EMILIN2: variants seen among roughly 807,000 people sequenced by gnomAD.
EMILIN2 encodes elastin microfibril interfacer 2, also known as EMILIN-2.
Under a neutral mutation model 87.1 loss-of-function variants are expected in EMILIN2, and 71 were observed. The observed-to-expected ratio is 0.82, with a 90% CI of 0.67 to 0.99. The LOEUF (loss-of-function observed/expected upper bound fraction) is 0.99. Among genes scored for constraint, EMILIN2 ranks in the 50% least tolerant of loss-of-function variants. The pLI is 0.00. For missense variants in EMILIN2, 1,407 were observed against 1,371.8 expected, an observed-to-expected ratio of 1.03 and a Z score of -0.40; for synonymous variants, 581 against 563.4, an observed-to-expected ratio of 1.03 and a Z score of -0.44.
chr18:2,874,338 C>T (rs1010281184), intron 2 of EMILIN2, among the ~76,000 whole-genome samples: 4 of 152,144 alleles, frequency 2.6e-5, no homozygotes, highest in African/African-American at 4.8e-5. Flanking sequence ...TCCAGGTGTG[C>T]ACCACTGCAC....
chr18:2,906,878 GA>G lies in EMILIN2; in HGVS notation c.2456del (p.Asp819AlafsTer77). On this transcript the variant is annotated frameshift_variant, in exon 5 of 8. Transcript: ENST00000254528. LOFTEE classifies it high-confidence loss of function. Reference sequence around the variant, plus strand: ...GCCCAGCGGCCCCGCAACCGCAGAGGACCCTGGGCGACGGCCCGTCCTGCCC... The same window carrying G: ...GCCCAGCGGCCCCGCAACCGCAGAGGCCCTGGGCGACGGCCCGTCCTGCCC... ...PRPSGPATAE[D>X]PGRRPVLPQR... The G allele has an allele frequency of 1.4e-6, 2 of 1,389,198 alleles. No individual in the cohort carries two copies. The highest frequency in any genetic ancestry group is 1.9e-6 in the Non-Finnish European group (2 of 1,070,042). 86.1% of individuals were successfully genotyped at this position (1,389,198 alleles called of 1,614,324 possible).
Position 2,848,820 on chromosome 18 carries a change from G to A in EMILIN2, c.257+889G>A, listed in dbSNP as rs2076589548. Among the ~76,000 whole-genome samples the A allele has an allele frequency of 6.6e-6, 1 of 152,188 alleles. No homozygotes were observed. On this transcript the variant is annotated intron_variant, in intron 2 of 7. Transcript: ENST00000254528. This position sits in a 1 kb window ranked among gnomAD's most constrained non-coding sequence, Gnocchi z 4.1. ...GTCTTAGAGCACAGTTGTCATTACA[G>A]CAGAGAATAGTCAGTAGGCGGATCT... is the stretch of plus-strand genomic sequence containing the variant.
At chr18:2,846,831 C>G, upstream of EMILIN2, 5 of 985,402 alleles carry the variant, frequency 5.1e-6, no homozygotes, top group South Asian at 1.9e-4. The surrounding 1 kb of genome is among the most constrained non-coding windows in gnomAD (Gnocchi z 5.3). Context: ...TATCCCAAAC[C>G]CTTTCGCCCC....
upstream of EMILIN2, chr18:2,846,910 C>T (rs2076576838): frequency 1.0e-6 from 1 of 989,328 alleles, no homozygotes; most frequent in African/African-American, 1.7e-5. This position sits in a 1 kb window ranked among gnomAD's most constrained non-coding sequence, Gnocchi z 5.3. Flanking sequence ...GGGAGAGTCA[C>T]GTTTCGGAGA....
rs749948864 is a variant in EMILIN2, at chr18:2,891,626, G to A, written c.1499G>A (p.Arg500His). The A allele has an allele frequency of 1.2e-5, 19 of 1,613,928 alleles. No homozygotes were observed. Among genetic ancestry groups the A allele is most frequent in the Middle Eastern group, 1.6e-4 (1 of 6,084 alleles). Residue 500 changes from arginine (R) to histidine (H), a missense_variant, in exon 4 of 8, where the codon CGT (arginine) becomes CAT (histidine). By Grantham distance (29) the Arg-to-His change is conservative. Transcript: ENST00000254528. The surrounding 1 kb of genome is among the most constrained non-coding windows in gnomAD (Gnocchi z 4.6). ...VDQKIQSLED[R>H]LGSVLLQMTN... is the part of the protein sequence containing the mutation. ...CAGAAAATACAGTCTCTGGAAGACC[G>A]TCTGGGGAGCGTTCTCCTACAGATG... is the stretch of plus-strand genomic sequence containing the variant.
Position 2,888,971 on chromosome 18 carries a change from C to T in EMILIN2, c.434-1590C>T, listed in dbSNP as rs559699167. ...TTCTGAATTAATTTCCAATGTTTTC[C>T]AGTGTAATATATTAATGCATTTTAT... On this transcript the variant is annotated intron_variant, in intron 3 of 7. Coordinates refer to ENST00000254528, the MANE Select transcript of EMILIN2 (RefSeq NM_032048.3). Among the ~76,000 whole-genome samples the T allele has an allele frequency of 3.3e-5, 5 of 152,066 alleles. No homozygotes were observed. The East Asian group carries it at 7.7e-4, about 24-fold the overall frequency.
chr18:2,908,949 C>T lies in EMILIN2; in HGVS notation c.2669C>T (p.Pro890Leu), dbSNP rs139666930. 38 of 1,613,486 alleles carry T rather than the reference C, an allele frequency of 2.4e-5. No homozygotes were observed. The highest frequency in any genetic ancestry group is 6.6e-5 in the South Asian group (6 of 91,054). Residue 890 changes from proline to leucine, a missense_variant, in exon 6 of 8, where the codon CCG becomes CTG. Coordinates refer to ENST00000254528, the MANE Select transcript of EMILIN2 (RefSeq NM_032048.3). The part of the protein sequence containing the change: ...AEGFAGAPGY[P>L]KSPPVASPGA... ...TTTCCTTTCTGTTTTTCAGGATACC[C>T]GAAGTCACCTCCTGTAGCTTCCCCA...
chr18:2,905,684 C>G (rs1215467019), intron 4 of EMILIN2, among the ~76,000 whole-genome samples: 1 of 151,996 alleles, frequency 6.6e-6, no homozygotes, highest in Non-Finnish European at 1.5e-5. Context: ...CTCCCTGCAA[C>G]CTCCACCTCC....
chr18:2,862,201 C>T (rs1159709344), intron 2 of EMILIN2, among the ~76,000 whole-genome samples: 4 of 152,138 alleles, frequency 2.6e-5, no homozygotes, highest in Non-Finnish European at 4.4e-5. Flanking sequence ...TGACTTCCTC[C>T]TTTCCTAATT....
Position 2,894,857 on chromosome 18 carries a change from T to C in EMILIN2, c.2359+2371T>C, listed in dbSNP as rs2076856216. Among the ~76,000 whole-genome samples, 1 of 152,082 alleles carries C rather than the reference T, an allele frequency of 6.6e-6. No homozygotes were observed. Among genetic ancestry groups the C allele is most frequent in the Non-Finnish European group, 1.5e-5 (1 of 68,022 alleles). ...GGAGAATCTGGAGCTAAGGTCACAA[T>C]GAAAGTGACATGTCAATCAGTTAAA... On this transcript the variant is annotated intron_variant, in intron 4 of 7. Transcript: ENST00000254528. This position sits in a 1 kb window ranked among gnomAD's most constrained non-coding sequence, Gnocchi z 5.0.
intron 2 of EMILIN2, among the ~76,000 whole-genome samples, chr18:2,875,302 A>G (rs905523453): frequency 6.6e-6 from 1 of 152,186 alleles, no homozygotes; most frequent in Non-Finnish European, 1.5e-5. Context: ...CATGGTGAGC[A>G]CCACGCTCAT....
At chr18:2,887,551 T>TGCTCCCTCTC (rs368088382) in intron 3 of EMILIN2, among the ~76,000 whole-genome samples, 2 of 152,100 alleles carry the variant, frequency 1.3e-5, no homozygotes, top group African/African-American at 2.4e-5. Flanking sequence ...CCTTCCCTCT[T>TGCTCCCTCTC]GCTCCCTCTC....
intron 3 of EMILIN2, among the ~76,000 whole-genome samples, chr18:2,887,116 C>T (rs1257580603): frequency 6.6e-6 from 1 of 152,152 alleles, no homozygotes; most frequent in African/African-American, 2.4e-5. Context: ...ATTTTTTATT[C>T]TAGCTTCAGA....
At chr18:2,887,786 T>TAA (rs58571683) in intron 3 of EMILIN2, among the ~76,000 whole-genome samples, 7 of 152,018 alleles carry the variant, frequency 4.6e-5, no homozygotes, top group Non-Finnish European at 7.4e-5. Flanking sequence ...ACTGTCATTA[T>TAA]AAAAAAAATA....
intron 2 of EMILIN2, among the ~76,000 whole-genome samples, chr18:2,876,691 G>A (rs1307293140): frequency 3.3e-5 from 5 of 151,638 alleles, no homozygotes; most frequent in South Asian, 2.1e-4. Flanking sequence ...GCGTGAACCC[G>A]GGAGGCGGAG....
At chr18:2,896,762 G>A (rs555127673) in intron 4 of EMILIN2, among the ~76,000 whole-genome samples, 1 of 152,112 alleles carries the variant, frequency 6.6e-6, no homozygotes, top group African/African-American at 2.4e-5. Context: ...GGCATGTGCT[G>A]TAATTACATG....
intron 2 of EMILIN2, among the ~76,000 whole-genome samples, chr18:2,860,196 A>G (rs1239185278): frequency 6.6e-6 from 1 of 152,176 alleles, no homozygotes; most frequent in Non-Finnish European, 1.5e-5. Context: ...CTACCCATCC[A>G]TGAACATGGT....
intron 4 of EMILIN2, 78 bp downstream of exon 4, chr18:2,892,564 A>C (rs9956161): frequency 0.17 from 249,671 of 1,491,868 alleles, 22,223 homozygotes; most frequent in South Asian, 0.29. Flanking sequence ...TTTTTTGTTC[A>C]TTTTTGATAT....
chr18:2,861,639 T>C (rs2076661590), intron 2 of EMILIN2, among the ~76,000 whole-genome samples: 1 of 152,244 alleles, frequency 6.6e-6, no homozygotes, highest in African/African-American at 2.4e-5. Flanking sequence ...ACTGTAGCCT[T>C]GTAATATAGT....
Sources: allele counts gnomAD v4.1 joint callset (sites outside exome capture counted in the v4.1 genomes callset), GRCh38; gene constraint gnomAD v4.1.1; non-coding constraint Gnocchi (gnomAD v3.1); transcripts MANE v1.5; gene names NCBI Gene and HGNC (gene_info 2026-07-23, HGNC 2026-07-21).